Variants in SLC29A3 observed in about 807,000 individuals in gnomAD.
SLC29A3 encodes the protein equilibrative nucleoside transporter 3.
A neutral mutation model predicts 25.4 loss-of-function variants in SLC29A3; 18 were observed. That is an observed-to-expected ratio of 0.71 (90% confidence interval 0.49 to 1.05). SLC29A3 has a LOEUF of 1.05. Ranked by LOEUF, SLC29A3 falls within the 50% of genes least tolerant of loss-of-function variation. The pLI is 0.00. For missense variants in SLC29A3, 586 were observed against 609.0 expected, an observed-to-expected ratio of 0.96 and a Z score of 0.40; for synonymous variants, 258 against 267.1, an observed-to-expected ratio of 0.97 and a Z score of 0.33.
intron 2 of SLC29A3, 36 bp from the exon 3 acceptor site, chr10:71,344,173 A>T: frequency 6.4e-7 from 1 of 1,555,088 alleles, no homozygotes; most frequent in Non-Finnish European, 8.9e-7. Context: ...TCCATCCCTG[A>T]GTGACCGCAG....
At chr10:71,370,267 C>T in intron 3 of SLC29A3, among the ~76,000 whole-genome samples, 1 of 152,196 alleles carries the variant, frequency 6.6e-6, no homozygotes, top group East Asian at 1.9e-4. Context: ...TCCACCTTCG[C>T]AGACACAGAG....
chr10:71,324,092 A>G (rs931614032), intron 2 of SLC29A3, among the ~76,000 whole-genome samples: 2 of 152,214 alleles, frequency 1.3e-5, no homozygotes, highest in South Asian at 2.1e-4. Context: ...ATTTAAGACT[A>G]TTGTAGTAGG....
At chr10:71,366,658 AGGGAG>A (rs1183520913), downstream of SLC29A3, among the ~76,000 whole-genome samples, 3 of 12,556 alleles carry the variant, frequency 2.4e-4, no homozygotes, top group African/African-American at 3.9e-4. Context: ...TCAGTGCTCC[AGGGAG>A]AAGACTTCGG....
chr10:71,356,342 G>A, intron 5 of SLC29A3, 99 bp downstream of exon 5: 2 of 1,455,522 alleles, frequency 1.4e-6, no homozygotes, highest in Non-Finnish European at 1.9e-6. Flanking sequence ...CTTTGTCTAG[G>A]TGCTATGGCT....
intron 3 of SLC29A3, among the ~76,000 whole-genome samples, chr10:71,344,724 C>T (rs1458863465): frequency 1.3e-5 from 2 of 152,184 alleles, no homozygotes; most frequent in East Asian, 3.8e-4. Context: ...TGGTAAGGGC[C>T]ACGAGAGGCT....
chr10:71,349,980 C>T (rs958602660), intron 3 of SLC29A3, among the ~76,000 whole-genome samples: 4 of 152,170 alleles, frequency 2.6e-5, no homozygotes, highest in Non-Finnish European at 5.9e-5. Context: ...TGGTCTGTCC[C>T]GTGTCCTGGG....
At chr10:71,326,882 GA>G (rs1229965017) in intron 2 of SLC29A3, among the ~76,000 whole-genome samples, 1 of 152,224 alleles carries the variant, frequency 6.6e-6, no homozygotes, top group Non-Finnish European at 1.5e-5. Flanking sequence ...CATGGGCCGG[GA>G]TTGGGAAGCG....
intron 2 of SLC29A3, among the ~76,000 whole-genome samples, chr10:71,337,014 G>T (rs942713693): frequency 2.0e-5 from 3 of 152,150 alleles, no homozygotes; most frequent in Admixed American, 1.3e-4. Flanking sequence ...CAGTGGCTTC[G>T]TCTGTCTGGC....
At chr10:71,355,753 G>A (rs1846887246) in intron 4 of SLC29A3, among the ~76,000 whole-genome samples, 1 of 152,188 alleles carries the variant, frequency 6.6e-6, no homozygotes, top group Non-Finnish European at 1.5e-5. Context: ...GGGCAATAAA[G>A]AGAGATGGAG....
chr10:71,354,550 G>A (rs182420183), intron 4 of SLC29A3, among the ~76,000 whole-genome samples: 3 of 152,334 alleles, frequency 2.0e-5, no homozygotes, highest in Admixed American at 6.5e-5. Context: ...TGGTGCGCAC[G>A]GTGGACGGGG....
chr10:71,344,952 T>C (rs1238883740), intron 3 of SLC29A3, among the ~76,000 whole-genome samples: 2 of 152,264 alleles, frequency 1.3e-5, no homozygotes, highest in African/African-American at 4.8e-5. Context: ...CTGTTCGCCA[T>C]GGCCTACTAA....
downstream of SLC29A3, chr10:71,365,509 T>C (rs1847163352): frequency 6.6e-6 from 1 of 152,300 alleles, no homozygotes; most frequent in African/African-American, 2.4e-5. Context: ...ATAGAGATGA[T>C]AGACTAAGTT....
chr10:71,378,728 A>G (rs1847279620), intron 4 of SLC29A3, among the ~76,000 whole-genome samples: 1 of 152,218 alleles, frequency 6.6e-6, no homozygotes, highest in Non-Finnish European at 1.5e-5. Context: ...AAGTTTGAGA[A>G]CGACTGTTCT....
chr10:71,361,522 C>T (rs931688543), intron 5 of SLC29A3, among the ~76,000 whole-genome samples: 13 of 152,174 alleles, frequency 8.5e-5, no homozygotes, highest in African/African-American at 2.9e-4. Context: ...AGGTCAGAGT[C>T]CCCTTTCTAT....
chr10:71,374,102 G>A (rs1486066454), intron 3 of SLC29A3, among the ~76,000 whole-genome samples: 1 of 152,184 alleles, frequency 6.6e-6, no homozygotes, highest in Admixed American at 6.5e-5. Flanking sequence ...CTGGTATAGG[G>A]CCTCCATTTG....
At chr10:71,361,781 C>T (rs1239128840) in intron 5 of SLC29A3, among the ~76,000 whole-genome samples, 173 bp from the exon 6 acceptor site, 1 of 152,214 alleles carries the variant, frequency 6.6e-6, no homozygotes, top group East Asian at 1.9e-4. Context: ...AGGCCTTCCC[C>T]TGGCCACCCC....
chr10:71,355,756 A>G (rs1846887587), intron 4 of SLC29A3, among the ~76,000 whole-genome samples: 1 of 152,048 alleles, frequency 6.6e-6, no homozygotes, highest in Non-Finnish European at 1.5e-5. Flanking sequence ...CAATAAAGAG[A>G]GATGGAGGTT....
intron 2 of SLC29A3, among the ~76,000 whole-genome samples, chr10:71,332,706 A>G (rs1846149171): frequency 6.6e-6 from 1 of 152,144 alleles, no homozygotes; most frequent in African/African-American, 2.4e-5. Flanking sequence ...ACCAAAAGTG[A>G]GTCATTTTTT....
At chr10:71,331,759 G>T (rs1846122906) in intron 2 of SLC29A3, among the ~76,000 whole-genome samples, 2 of 152,242 alleles carry the variant, frequency 1.3e-5, no homozygotes, top group Admixed American at 6.5e-5. Context: ...CTATGAGGAT[G>T]CGTCATGTCC....
Sources: allele counts gnomAD v4.1 joint callset (sites outside exome capture counted in the v4.1 genomes callset), GRCh38; gene constraint gnomAD v4.1.1; transcripts MANE v1.5; gene names NCBI Gene and HGNC (gene_info 2026-07-23, HGNC 2026-07-21).